Variants in GNA13 observed in about 807,000 individuals in gnomAD.
GNA13 encodes the protein guanine nucleotide-binding protein subunit alpha-13.
A neutral mutation model predicts 33.5 loss-of-function variants in GNA13; 4 were observed. The ratio of observed to expected loss-of-function variants is 0.12; its 90% confidence interval spans 0.06 to 0.27. The LOEUF (loss-of-function observed/expected upper bound fraction) is 0.27. Among genes scored for constraint, GNA13 ranks in the 10% least tolerant of loss-of-function variants. The pLI is 1.00. For synonymous variants in GNA13, 176 were observed against 183.8 expected (o/e 0.96, Z 0.34); for missense variants, 319 against 487.2 (o/e 0.65, Z 3.25).
chr17:65,025,063 ATTGT>A (rs904179468), intron 2 of GNA13, among the ~76,000 whole-genome samples: 3 of 151,992 alleles, frequency 2.0e-5, no homozygotes, highest in East Asian at 1.9e-4. Context: ...TGCCTGGCTA[ATTGT>A]TTGTATTTTT....
intron 2 of GNA13, among the ~76,000 whole-genome samples, chr17:65,020,654 AT>A (rs112893348): frequency 2.1e-3 from 302 of 144,314 alleles, no homozygotes; most frequent in Non-Finnish European, 2.0e-3. Context: ...ACTGAAGGGA[AT>A]TTTTTTTTTT....
intron 2 of GNA13, among the ~76,000 whole-genome samples, chr17:65,019,634 T>A (rs951841151): frequency 5.3e-5 from 8 of 151,916 alleles, no homozygotes; most frequent in African/African-American, 1.9e-4. Context: ...ATTGAACCCA[T>A]GGAGATAGAA....
At chr17:65,026,409 A>G (rs545446611) in intron 2 of GNA13, among the ~76,000 whole-genome samples, 2 of 152,374 alleles carry the variant, frequency 1.3e-5, no homozygotes, top group South Asian at 4.1e-4. Flanking sequence ...ATGACTAGAA[A>G]ATACTCTATG....
chr17:65,033,389 A>C (rs1002003935), intron 2 of GNA13, among the ~76,000 whole-genome samples: 1 of 152,000 alleles, frequency 6.6e-6, no homozygotes, highest in African/African-American at 2.4e-5. Flanking sequence ...TAGGAGGCTG[A>C]AGCAGAAGGA....
intron 2 of GNA13, among the ~76,000 whole-genome samples, chr17:65,026,997 C>T (rs527591739): frequency 2.0e-5 from 3 of 152,246 alleles, no homozygotes; most frequent in East Asian, 3.9e-4. Flanking sequence ...AGGCTGGTCT[C>T]GAACTCCCGG....
At position 65,014,612 on chromosome 17, in the gene GNA13, C is replaced by T; in HGVS notation, c.779G>A (p.Arg260Gln). ...SEFDQVLMED[R>Q]LTNRLTESLN... Reference sequence around the variant, plus strand: ...AGACTCTGTAAGGCGATTGGTCAGTCGATCTTCCATAAGCACCTGGTCAAA... The same window carrying T: ...AGACTCTGTAAGGCGATTGGTCAGTTGATCTTCCATAAGCACCTGGTCAAA... Residue 260 changes from arginine (R) to glutamine (Q), a missense_variant, in exon 4 of 4, where the codon CGA (arginine) becomes CAA (glutamine). Arg to Gln is a conservative substitution (Grantham distance 43, BLOSUM62 1). Around this residue, in one of 4 missense-constraint regions of GNA13, gnomAD observed 134 missense variants for 241.3 expected, o/e 0.56. Coordinates refer to ENST00000439174, the MANE Select transcript of GNA13 (RefSeq NM_006572.6). The surrounding 1 kb of genome is among the most constrained non-coding windows in gnomAD (Gnocchi z 5.3). The T allele has an allele frequency of 6.2e-7, 1 of 1,613,966 alleles. No individual in the cohort carries two copies. Among genetic ancestry groups the T allele is most frequent in the Non-Finnish European group, 8.5e-7 (1 of 1,179,880 alleles).
Position 65,009,747 on chromosome 17 carries a change from A to T in GNA13, c.*4510T>A, listed in dbSNP as rs1906113037. Among the ~76,000 whole-genome samples, 1 of 151,488 alleles carries T rather than the reference A, an allele frequency of 6.6e-6. No individual in the cohort carries two copies. The highest frequency in any genetic ancestry group is 1.9e-4 in the East Asian group (1 of 5,202). On this transcript the variant is annotated 3_prime_UTR_variant, in exon 4 of 4. Coordinates refer to ENST00000439174, the MANE Select transcript of GNA13 (RefSeq NM_006572.6). ...ACGTTTTGCGATTCTGCCTTCAAGT[A>T]AGAGGTAAAAGGTAAATGGCATAGT... is the stretch of plus-strand genomic sequence containing the variant.
At position 65,018,288 on chromosome 17, in the gene GNA13, AT is replaced by A; in HGVS notation, c.525del (p.Lys175AsnfsTer39). On this transcript the variant is annotated frameshift_variant, in exon 3 of 4. Transcript: ENST00000439174. LOFTEE classifies it high-confidence loss of function. ...RREFQLGESV[K>X]YFLDNLDKLG... Reference sequence around the variant, plus strand: ...AGTTTATCCAAGTTATCCAGGAAATATTTTACAGATTCACCCTAAAAACAAG... The same window carrying A: ...AGTTTATCCAAGTTATCCAGGAAATATTTACAGATTCACCCTAAAAACAAG... 1 of 1,502,828 alleles carries A rather than the reference AT, an allele frequency of 6.7e-7. No homozygotes were observed. The highest frequency in any genetic ancestry group is 9.3e-7 in the Non-Finnish European group (1 of 1,078,792). The allele number at this position is 1,502,828 out of a possible 1,614,324, so 93.1% of individuals were successfully genotyped here. A position where few individuals can be genotyped will look rare whatever the true frequency, so the allele number is the denominator to read the frequency against.
At position 65,011,578 on chromosome 17, in the gene GNA13, C is replaced by T. The variant is rs1906190598; in HGVS notation, c.*2679G>A. 2 of 211,132 alleles carry T rather than the reference C, an allele frequency of 9.5e-6. No homozygotes were observed. Among genetic ancestry groups the T allele is most frequent in the East Asian group, 7.2e-5 (1 of 13,868 alleles). 13.1% of individuals were successfully genotyped at this position (211,132 alleles called of 1,614,324 possible). A position where few individuals can be genotyped will look rare whatever the true frequency, so the allele number is the denominator to read the frequency against. ...AAATTTATGTTGTTTTATAAGGCAA[C>T]TGTATATACATTTCTTCAAGGTCAA... On this transcript the variant is annotated 3_prime_UTR_variant, in exon 4 of 4. Coordinates refer to ENST00000439174, the MANE Select transcript of GNA13 (RefSeq NM_006572.6).
At chr17:65,024,765 C>G (rs752370248) in intron 2 of GNA13, among the ~76,000 whole-genome samples, 2 of 152,170 alleles carry the variant, frequency 1.3e-5, no homozygotes, top group Non-Finnish European at 2.9e-5. Context: ...ATATTTTACT[C>G]AAAACTAGAT....
rs138664848 is a variant in GNA13, at chr17:65,024,458, T to C, written c.511-6155A>G. Among the ~76,000 whole-genome samples, 1,076 of 152,352 alleles carry C rather than the reference T, an allele frequency of 7.1e-3. 13 individuals are homozygous for C. The highest frequency in any genetic ancestry group is 0.025 in the African/African-American group (1,022 of 41,584). On this transcript the variant is annotated intron_variant, in intron 2 of 3. Transcript: ENST00000439174. ...TTTCACATTCGTAGCCACAAAAACT[T>C]GCACACAAGTTTATATTTTTAATCT...
At chr17:65,036,494 C>T (rs1056902018) in intron 2 of GNA13, among the ~76,000 whole-genome samples, 3 of 152,122 alleles carry the variant, frequency 2.0e-5, no homozygotes, top group African/African-American at 7.2e-5. Flanking sequence ...TTGCTTGAGG[C>T]CAGGAGTTTG....
At chr17:65,019,564 G>A (rs1372207934) in intron 2 of GNA13, among the ~76,000 whole-genome samples, 1 of 151,982 alleles carries the variant, frequency 6.6e-6, no homozygotes, top group African/African-American at 2.4e-5. Context: ...AAGTAAGACA[G>A]ACACAAAAAG....
chr17:65,040,726 T>C (rs1907422740), intron 2 of GNA13, among the ~76,000 whole-genome samples: 1 of 152,130 alleles, frequency 6.6e-6, no homozygotes, highest in African/African-American at 2.4e-5. Context: ...TTCCTGACCT[T>C]GTGATCTGCC....
intron 1 of GNA13, chr17:65,055,870 G>A: frequency 4.2e-6 from 2 of 481,456 alleles, no homozygotes; most frequent in Non-Finnish European, 5.4e-6. Flanking sequence ...ACCCAGCCAG[G>A]GTAGCGAGGT....
chr17:65,047,130 T>TA (rs1358637196), intron 2 of GNA13, among the ~76,000 whole-genome samples: 16 of 152,190 alleles, frequency 1.1e-4, no homozygotes. Context: ...TTAACGTAAA[T>TA]AAACATAAAG....
chr17:65,031,719 T>C (rs1907019036), intron 2 of GNA13, among the ~76,000 whole-genome samples: 2 of 152,258 alleles, frequency 1.3e-5, no homozygotes, highest in South Asian at 2.1e-4. Flanking sequence ...GGGAAAGCTA[T>C]TCAATAGCAA....
At chr17:65,031,405 G>A (rs1176128180) in intron 2 of GNA13, among the ~76,000 whole-genome samples, 3 of 152,198 alleles carry the variant, frequency 2.0e-5, no homozygotes, top group African/African-American at 7.2e-5. Context: ...GTAAATGTCT[G>A]TGTTCTAAAA....
At chr17:65,019,413 A>G (rs1457890084) in intron 2 of GNA13, among the ~76,000 whole-genome samples, 3 of 152,240 alleles carry the variant, frequency 2.0e-5, no homozygotes, top group African/African-American at 4.8e-5. Context: ...ATTTGGAAGC[A>G]GCCTAAGTGT....
Sources: allele counts gnomAD v4.1 joint callset (sites outside exome capture counted in the v4.1 genomes callset), GRCh38; gene constraint gnomAD v4.1.1; regional missense constraint gnomAD v4.1.1; non-coding constraint Gnocchi (gnomAD v3.1); transcripts MANE v1.5; gene names NCBI Gene and HGNC (gene_info 2026-07-23, HGNC 2026-07-21).